Variants in CUBN observed in about 807,000 individuals in gnomAD.
CUBN encodes the protein cubilin.
CUBN carries 282 observed loss-of-function variants against 405.3 expected under a neutral mutation model. That is an observed-to-expected ratio of 0.70 (90% CI 0.63 to 0.77). The LOEUF is 0.77. Among genes scored for constraint, CUBN ranks in the 30% least tolerant of loss-of-function variants. The pLI is 0.00. For missense variants in CUBN, 4,514 were observed against 4,475.2 expected (o/e 1.01, Z -0.25); for synonymous variants, 1,684 against 1,617.0 (o/e 1.04, Z -0.99).
At position 16,866,425 on chromosome 10, in the gene CUBN, G is replaced by A. The variant is rs535177262; in HGVS notation, c.9454+3211C>T. On this transcript the variant is annotated intron_variant, in intron 59 of 66. Transcript: ENST00000377833. ...CATAAACAGAGTCAAGGCAGGAGAC[G>A]ACCCTGCTGGTAAAGGAAGGGGCAG... 3.9e-5 allele frequency among the ~76,000 whole-genome samples: 6 copies of A among 152,266 alleles called. No individual in the cohort carries two copies. In the East Asian group the frequency reaches 7.7e-4, roughly 20 times the overall value.
intron 22 of CUBN, among the ~76,000 whole-genome samples, chr10:17,056,501 C>A (rs1036818848): frequency 1.3e-5 from 2 of 151,772 alleles, no homozygotes; most frequent in Non-Finnish European, 2.9e-5. Context: ...CCCAGCTACT[C>A]GGGAGGCTGA....
intron 6 of CUBN, among the ~76,000 whole-genome samples, chr10:17,119,250 A>G (rs577543663): frequency 6.6e-6 from 1 of 152,368 alleles, no homozygotes; most frequent in Admixed American, 6.5e-5. Flanking sequence ...CTGGAAAACC[A>G]GAGAAACTCA....
chr10:16,856,320 A>G (rs1375835819), intron 59 of CUBN, among the ~76,000 whole-genome samples: 2 of 152,102 alleles, frequency 1.3e-5, no homozygotes, highest in Non-Finnish European at 1.5e-5. Flanking sequence ...TGCGTCCAAG[A>G]ACAAACGTCA....
At chr10:17,006,913 T>C (rs1182083679) in intron 28 of CUBN, among the ~76,000 whole-genome samples, 1 of 152,198 alleles carries the variant, frequency 6.6e-6, no homozygotes, top group Non-Finnish European at 1.5e-5. Context: ...TTTTCCTTTG[T>C]GGAAATCCTG....
In CUBN at chr10:16,851,406, C is replaced by T. The variant is rs746060392; in HGVS notation, c.9492G>A (p.Ser3164=). The T allele has an allele frequency of 2.0e-5, 32 of 1,613,882 alleles. No individual in the cohort carries two copies. The highest frequency in any genetic ancestry group is 2.0e-4 in the South Asian group (18 of 91,090). ...QQGCGGYLTG[S]NNTFASPDSD... is the part of the protein sequence containing the mutation. ...AATCAGGAGAGGCAAAGGTATTATT[C>T]GAGCCTGTCAGATAACCACCACATC... Residue 3164 remains serine (S), a synonymous_variant, in exon 60 of 67, where the codon TCG becomes TCA. Coordinates refer to ENST00000377833, the MANE Select transcript of CUBN (RefSeq NM_001081.4).
At chr10:17,007,644 A>T (rs1336418277) in intron 28 of CUBN, among the ~76,000 whole-genome samples, 2 of 151,910 alleles carry the variant, frequency 1.3e-5, no homozygotes, top group Non-Finnish European at 2.9e-5. Flanking sequence ...GGGCAGGGGG[A>T]AGGGATTGCA....
In CUBN at chr10:16,941,097, C is replaced by T. The variant is rs564798874; in HGVS notation, c.5343-860G>A. On this transcript the variant is annotated intron_variant, in intron 36 of 66. Transcript: ENST00000377833. Reference sequence around the variant, plus strand: ...AGGTGCTAGTTGAGTACTTTCAAAACTTGGCCTTACTGCTTAAAAACATGA... The same window carrying T: ...AGGTGCTAGTTGAGTACTTTCAAAATTTGGCCTTACTGCTTAAAAACATGA... 3.3e-5 allele frequency among the ~76,000 whole-genome samples: 5 copies of T among 152,256 alleles called. No individual in the cohort carries two copies. In the South Asian group the frequency reaches 1.0e-3, roughly 32 times the overall value.
chr10:16,947,472 G>A, intron 35 of CUBN, 105 bp from the exon 36 acceptor site: 1 of 1,197,532 alleles, frequency 8.4e-7, no homozygotes, highest in Non-Finnish European at 1.2e-6. Flanking sequence ...TAAAAGAATA[G>A]ATAGTATTTC....
chr10:17,119,002 G>A (rs1189370750), intron 6 of CUBN, among the ~76,000 whole-genome samples: 1 of 152,146 alleles, frequency 6.6e-6, no homozygotes, highest in Non-Finnish European at 1.5e-5. Flanking sequence ...CACTGCAAGT[G>A]CATTTTGGCA....
chr10:16,874,205 G>A (rs1239544263), intron 58 of CUBN, among the ~76,000 whole-genome samples, 169 bp downstream of exon 58: 1 of 152,110 alleles, frequency 6.6e-6, no homozygotes, highest in Non-Finnish European at 1.5e-5. Context: ...GTGTGGAGAG[G>A]GGGAGCGTCA....
At chr10:16,827,240 T>G (rs1198687898) in intron 66 of CUBN, among the ~76,000 whole-genome samples, 1 of 152,204 alleles carries the variant, frequency 6.6e-6, no homozygotes, top group South Asian at 2.1e-4. Flanking sequence ...CGGAATACTC[T>G]CCAAAACTTA....
chr10:16,972,826 G>A (rs902942950), intron 31 of CUBN, among the ~76,000 whole-genome samples: 4 of 151,690 alleles, frequency 2.6e-5, no homozygotes, highest in Non-Finnish European at 4.4e-5. Context: ...GACTGCCACC[G>A]TGACAGTTCT....
intron 5 of CUBN, 136 bp from the exon 6 acceptor site, chr10:17,123,034 T>C (rs1837083417): frequency 1.4e-6 from 1 of 704,020 alleles, no homozygotes; most frequent in South Asian, 1.5e-5. Context: ...ATAATACTGA[T>C]ATTAACCCCT....
chr10:16,923,595 G>A (rs1207827186), intron 43 of CUBN, among the ~76,000 whole-genome samples: 1 of 152,160 alleles, frequency 6.6e-6, no homozygotes, highest in African/African-American at 2.4e-5. Context: ...TTTTAAGTCT[G>A]ATGTTAACAG....
chr10:16,851,546 C>T lies in CUBN; in HGVS notation c.9455-103G>A, dbSNP rs140899086. 1.3e-4 allele frequency: 138 copies of T among 1,036,572 alleles called. No homozygotes were observed. In the East Asian group the frequency reaches 2.8e-3, roughly 21 times the overall value. 64.2% of individuals were successfully genotyped at this position (1,036,572 alleles called of 1,614,324 possible). A position where few individuals can be genotyped will look rare whatever the true frequency, so the allele number is the denominator to read the frequency against. ...AACATAGTTTCCATTTTCTGTCACA[C>T]TCTGAGAACATGATCAGATCATTCC... On this transcript the variant is annotated intron_variant, in intron 59 of 66. Transcript: ENST00000377833.
intron 60 of CUBN, among the ~76,000 whole-genome samples, chr10:16,847,378 G>T (rs1016105141): frequency 6.6e-5 from 10 of 152,046 alleles, no homozygotes; most frequent in Non-Finnish European, 1.2e-4. Context: ...CGTGAACCCG[G>T]GAGACAGAGC....
At chr10:16,887,609 T>G (rs1484796259) in intron 56 of CUBN, among the ~76,000 whole-genome samples, 4 of 152,212 alleles carry the variant, frequency 2.6e-5, no homozygotes, top group Non-Finnish European at 4.4e-5. Flanking sequence ...GAACTCTTCC[T>G]CGTACACTTT....
intron 59 of CUBN, among the ~76,000 whole-genome samples, chr10:16,856,717 G>A (rs1194061032): frequency 3.3e-5 from 5 of 152,148 alleles, no homozygotes; most frequent in African/African-American, 1.2e-4. Flanking sequence ...GCCTGTCTCT[G>A]GTTGACCACT....
chr10:17,016,831 T>C (rs1367620774), intron 28 of CUBN, among the ~76,000 whole-genome samples: 1 of 152,176 alleles, frequency 6.6e-6, no homozygotes, highest in Non-Finnish European at 1.5e-5. Flanking sequence ...CTGTGGGATG[T>C]AAATTGCAAG....
Sources: allele counts gnomAD v4.1 joint callset (sites outside exome capture counted in the v4.1 genomes callset), GRCh38; gene constraint gnomAD v4.1.1; transcripts MANE v1.5; gene names NCBI Gene and HGNC (gene_info 2026-07-23, HGNC 2026-07-21).